The following CADPS variants were observed in gnomAD, a reference collection of about 807,000 sequenced individuals.
CADPS encodes calcium-dependent secretion activator 1.
A neutral mutation model predicts 167.3 loss-of-function variants in CADPS; 57 were observed. The ratio of observed to expected loss-of-function variants is 0.34; its 90% CI spans 0.28 to 0.42. CADPS has a LOEUF of 0.42. Among genes scored for constraint, CADPS ranks in the 20% least tolerant of loss-of-function variants. The pLI is 1.00. For missense variants in CADPS, 1,414 were observed against 1,738.1 expected, an observed-to-expected ratio of 0.81 and a Z score of 3.32; for synonymous variants, 676 against 635.3, an observed-to-expected ratio of 1.06 and a Z score of -0.96.
At chr3:62,699,974 G>A (rs2081095149) in intron 3 of CADPS, among the ~76,000 whole-genome samples, 1 of 152,086 alleles carries the variant, frequency 6.6e-6, no homozygotes, top group Admixed American at 6.5e-5. Context: ...CACGTGGCCT[G>A]CAAAGCCTCA....
chr3:62,723,949 C>A (rs2076281574), intron 3 of CADPS, among the ~76,000 whole-genome samples: 1 of 152,184 alleles, frequency 6.6e-6, no homozygotes, highest in Non-Finnish European at 1.5e-5. Context: ...AGGAAGAGCA[C>A]TGGGTGGAGG....
At chr3:62,589,209 AAC>A (rs2085366408) in intron 7 of CADPS, among the ~76,000 whole-genome samples, 1 of 152,202 alleles carries the variant, frequency 6.6e-6, no homozygotes, top group African/African-American at 2.4e-5. Flanking sequence ...CGAGCATAGA[AAC>A]ACTCTCTCGT....
At chr3:62,541,762 T>C (rs1394681673) in intron 11 of CADPS, among the ~76,000 whole-genome samples, 1 of 152,154 alleles carries the variant, frequency 6.6e-6, no homozygotes, top group Non-Finnish European at 1.5e-5. Flanking sequence ...ATCATGATAT[T>C]TGGGTTCATT....
At chr3:62,688,819 T>C (rs2078564777) in intron 3 of CADPS, among the ~76,000 whole-genome samples, 2 of 151,966 alleles carry the variant, frequency 1.3e-5, no homozygotes, top group South Asian at 2.1e-4. Flanking sequence ...CAATGGATCA[T>C]AAAGCCCTCA....
At chr3:62,459,991 G>C (rs2059139628) in intron 26 of CADPS, among the ~76,000 whole-genome samples, 1 of 152,198 alleles carries the variant, frequency 6.6e-6, no homozygotes, top group Non-Finnish European at 1.5e-5. Flanking sequence ...CTTAGAAGTA[G>C]TATCAGCTAG....
chr3:62,523,674 A>G (rs2071305700), intron 13 of CADPS, among the ~76,000 whole-genome samples: 1 of 152,222 alleles, frequency 6.6e-6, no homozygotes. Context: ...CCAGGTGTAA[A>G]AAGAAATGTA....
intron 24 of CADPS, among the ~76,000 whole-genome samples, chr3:62,467,696 A>G (rs982572658): frequency 1.3e-5 from 2 of 152,156 alleles, no homozygotes; most frequent in African/African-American, 4.8e-5. Context: ...GAGAAGGGAG[A>G]AACCAGTATG....
intron 28 of CADPS, among the ~76,000 whole-genome samples, chr3:62,425,835 T>C (rs139063581): frequency 2.6e-5 from 4 of 152,052 alleles, no homozygotes; most frequent in African/African-American, 9.7e-5. Flanking sequence ...GCAATAATGT[T>C]TCCTTGCTTA....
chr3:62,679,329 G>A (rs1047780097), intron 3 of CADPS, among the ~76,000 whole-genome samples: 2 of 152,026 alleles, frequency 1.3e-5, no homozygotes, highest in Non-Finnish European at 2.9e-5. Context: ...AGGTGAACTA[G>A]GGCCATCTTA....
intron 9 of CADPS, among the ~76,000 whole-genome samples, chr3:62,570,187 T>A (rs2081028731): frequency 6.6e-6 from 1 of 151,192 alleles, no homozygotes; most frequent in African/African-American, 2.4e-5. Flanking sequence ...AAATAACTTG[T>A]GTGGAAAAAG....
intron 10 of CADPS, among the ~76,000 whole-genome samples, chr3:62,554,855 C>T (rs937230977): frequency 1.3e-5 from 2 of 152,082 alleles, no homozygotes; most frequent in Non-Finnish European, 2.9e-5. Context: ...CAGGTTCAAG[C>T]GATTCTCCTG....
chr3:62,873,759 G>A (rs1355766766), intron 1 of CADPS, among the ~76,000 whole-genome samples: 3 of 152,100 alleles, frequency 2.0e-5, no homozygotes, highest in Admixed American at 2.0e-4. Context: ...GGCAGGGCTT[G>A]GAGGACCCAG....
chr3:62,547,935 A>T (rs2076763317), intron 11 of CADPS, among the ~76,000 whole-genome samples: 2 of 152,144 alleles, frequency 1.3e-5, no homozygotes, highest in Admixed American at 1.3e-4. Flanking sequence ...ATAGCAAACC[A>T]TGTAGCAGTT....
intron 3 of CADPS, among the ~76,000 whole-genome samples, chr3:62,751,451 A>ATT (rs71631131): frequency 1.1e-4 from 17 of 151,496 alleles, no homozygotes; most frequent in East Asian, 7.8e-4. Context: ...TTATCTTGTA[A>ATT]TTTTTTTTTG....
chr3:62,541,805 C>T (rs1423785713), intron 11 of CADPS, among the ~76,000 whole-genome samples: 3 of 151,944 alleles, frequency 2.0e-5, no homozygotes, highest in African/African-American at 7.3e-5. Context: ...TTTTTCCTCC[C>T]TCACAAATGA....
chr3:62,419,168 T>C (rs2050794380), intron 28 of CADPS, among the ~76,000 whole-genome samples: 2 of 152,180 alleles, frequency 1.3e-5, no homozygotes, highest in Admixed American at 6.5e-5. Context: ...TTCCGACCAT[T>C]TCTTTCTTCA....
chr3:62,494,689 C>T (rs145745062), intron 18 of CADPS, among the ~76,000 whole-genome samples: 1,711 of 22,250 alleles, frequency 0.077, 28 homozygotes, highest in African/African-American at 0.21. Context: ...TTTTTTTGGA[C>T]GGAGTTTTGC....
At chr3:62,825,425 A>T (rs901174656) in intron 1 of CADPS, among the ~76,000 whole-genome samples, 3 of 152,184 alleles carry the variant, frequency 2.0e-5, no homozygotes, top group African/African-American at 7.2e-5. Context: ...CAGGCCTTAC[A>T]TCAGACCTAC....
intron 1 of CADPS, among the ~76,000 whole-genome samples, chr3:62,772,824 T>C (rs1227195541): frequency 6.6e-6 from 1 of 152,146 alleles, no homozygotes; most frequent in Non-Finnish European, 1.5e-5. Flanking sequence ...AGAAGGAACC[T>C]CAAATAGCAG....
Sources: allele counts gnomAD v4.1 joint callset (sites outside exome capture counted in the v4.1 genomes callset), GRCh38; gene constraint gnomAD v4.1.1; transcripts MANE v1.5; gene names NCBI Gene and HGNC (gene_info 2026-07-23, HGNC 2026-07-21).